Variants in CCDC85C observed in about 807,000 individuals in gnomAD.
The protein encoded by CCDC85C is coiled-coil domain containing 85C.
In CCDC85C, 18 loss-of-function variants were observed where a neutral mutation model predicts 38.3. The ratio of observed to expected loss-of-function variants is 0.47; its 90% CI spans 0.33 to 0.70. CCDC85C has a LOEUF of 0.70. Among genes scored for constraint, CCDC85C ranks in the 30% least tolerant of loss-of-function variants. The pLI is 0.03. For synonymous variants in CCDC85C, 264 were observed against 293.8 expected (o/e 0.90, Z 1.04); for missense variants, 566 against 621.2 (o/e 0.91, Z 0.94).
At chr14:99,570,449 G>A (rs992649187) in intron 1 of CCDC85C, among the ~76,000 whole-genome samples, 4 of 152,190 alleles carry the variant, frequency 2.6e-5, no homozygotes, top group African/African-American at 9.7e-5. Flanking sequence ...ACAGATGAAC[G>A]GACACCACTC....
chr14:99,549,677 G>C (rs146414905), intron 1 of CCDC85C, among the ~76,000 whole-genome samples: 1 of 152,202 alleles, frequency 6.6e-6, no homozygotes, highest in African/African-American at 2.4e-5. Flanking sequence ...GGACCTGCCC[G>C]GTTAGAAGCG....
rs2055245364 is a variant in CCDC85C at position 99,604,050 on chromosome 14, G to A, written c.-91C>T. ...CCGCTGGGCCGGTCCGCGCGCGGGC[G>A]GGGGGCGGCCGGGGGCGCGTGCGGC... is the stretch of plus-strand genomic sequence containing the variant. On this transcript the variant is annotated 5_prime_UTR_variant, in exon 1 of 6. Transcript: ENST00000380243. The A allele has an allele frequency of 1.0e-6, 1 of 979,048 alleles. No individual in the cohort carries two copies. The highest frequency in any genetic ancestry group is 4.7e-5 in the South Asian group (1 of 21,296). 60.6% of individuals were successfully genotyped at this position (979,048 alleles called of 1,614,324 possible). A position where few individuals can be genotyped will look rare whatever the true frequency, so the allele number is the denominator to read the frequency against.
intron 2 of CCDC85C, among the ~76,000 whole-genome samples, chr14:99,526,848 G>C (rs558058950): frequency 1.3e-5 from 2 of 152,168 alleles, no homozygotes; most frequent in Non-Finnish European, 2.9e-5. Flanking sequence ...GCAGAGGCTC[G>C]AATGCGTGAC....
chr14:99,540,090 G>A (rs1897681895), intron 1 of CCDC85C, among the ~76,000 whole-genome samples: 2 of 152,100 alleles, frequency 1.3e-5, no homozygotes, highest in South Asian at 4.1e-4. Flanking sequence ...AGAGGTTGCA[G>A]TGAGCCGAGA....
intron 1 of CCDC85C, among the ~76,000 whole-genome samples, chr14:99,552,716 C>T (rs571205889): frequency 6.6e-6 from 1 of 152,382 alleles, no homozygotes; most frequent in Non-Finnish European, 1.5e-5. Context: ...CTGCCAATGA[C>T]CCATAGGCCA....
At chr14:99,577,546 C>T (rs912093031) in intron 1 of CCDC85C, among the ~76,000 whole-genome samples, 3 of 151,968 alleles carry the variant, frequency 2.0e-5, no homozygotes, top group Admixed American at 2.0e-4. Context: ...GTGAACAAGA[C>T]CTGTGTGGGG....
At position 99,516,297 on chromosome 14, in the gene CCDC85C, C is replaced by T. The variant is rs1187613994; in HGVS notation, c.1072-11G>A. On this transcript the variant is annotated splice_polypyrimidine_tract_variant and intron_variant, in intron 4 of 5. Coordinates refer to ENST00000380243, the MANE Select transcript of CCDC85C (RefSeq NM_001144995.2). The surrounding 1 kb of genome is among the most constrained non-coding windows in gnomAD (Gnocchi z 5.5). ...GTGTACCTCCAGGACCTGAAGGGAA[C>T]GGGTCTCGGGGTCAGGGGCAGAGGC... The T allele has an allele frequency of 1.1e-5, 17 of 1,545,590 alleles. No homozygotes were observed. Among genetic ancestry groups the T allele is most frequent in the African/African-American group, 8.2e-5 (6 of 72,904 alleles).
intron 1 of CCDC85C, among the ~76,000 whole-genome samples, chr14:99,540,689 TC>T (rs1336792984): frequency 1.3e-5 from 2 of 152,204 alleles, no homozygotes; most frequent in African/African-American, 4.8e-5. Flanking sequence ...TCTGGGGGAT[TC>T]CCTATCCAGC....
chr14:99,568,170 T>C (rs750539558), intron 1 of CCDC85C, among the ~76,000 whole-genome samples: 58 of 151,764 alleles, frequency 3.8e-4, no homozygotes, highest in Non-Finnish European at 7.2e-4. Context: ...AGGCCCCGTA[T>C]TGGGGAACAA....
At chr14:99,543,540 G>A (rs534360723) in intron 1 of CCDC85C, among the ~76,000 whole-genome samples, 28 of 152,144 alleles carry the variant, frequency 1.8e-4, no homozygotes, top group Non-Finnish European at 3.7e-4. Context: ...AGAAATCAGG[G>A]CCTCCTTCCT....
At chr14:99,553,769 C>T (rs1273082749) in intron 1 of CCDC85C, among the ~76,000 whole-genome samples, 14 of 152,236 alleles carry the variant, frequency 9.2e-5, no homozygotes. Flanking sequence ...CAAAGCCCTG[C>T]ACAGAAGCCC....
chr14:99,542,160 T>C (rs1044928786), intron 1 of CCDC85C, among the ~76,000 whole-genome samples: 1 of 152,214 alleles, frequency 6.6e-6, no homozygotes, highest in African/African-American at 2.4e-5. Flanking sequence ...TTAAATCCCC[T>C]TCTCCTTCCA....
At chr14:99,537,494 A>T (rs1215137274) in intron 1 of CCDC85C, among the ~76,000 whole-genome samples, 1 of 152,138 alleles carries the variant, frequency 6.6e-6, no homozygotes, top group Non-Finnish European at 1.5e-5. Flanking sequence ...GACCAGGCCT[A>T]GGGCCCAGCA....
chr14:99,590,693 A>G (rs2055076257), intron 1 of CCDC85C, among the ~76,000 whole-genome samples: 1 of 152,202 alleles, frequency 6.6e-6, no homozygotes, highest in South Asian at 2.1e-4. Flanking sequence ...TTATGGAGGA[A>G]GCAAGTGTCC....
chr14:99,546,697 C>T (rs1257967771), intron 1 of CCDC85C, among the ~76,000 whole-genome samples: 23 of 151,964 alleles, frequency 1.5e-4, no homozygotes, highest in Admixed American at 1.5e-3. Context: ...AAGGTGGAGC[C>T]CAGAAAAGAC....
At chr14:99,578,361 C>T (rs532288650) in intron 1 of CCDC85C, among the ~76,000 whole-genome samples, 5 of 150,252 alleles carry the variant, frequency 3.3e-5, no homozygotes, top group East Asian at 2.0e-4. Flanking sequence ...CCATACAGCC[C>T]GTCCTGTATC....
In CCDC85C at chr14:99,535,931, C is replaced by CAAGGGG; in HGVS notation, c.867+78_867+83dup. 1 of 1,063,670 alleles carries CAAGGGG rather than the reference C, an allele frequency of 9.4e-7. No homozygotes were observed. The highest frequency in any genetic ancestry group is 1.4e-6 in the Non-Finnish European group (1 of 710,344). 65.9% of individuals were successfully genotyped at this position (1,063,670 alleles called of 1,614,324 possible). A position where few individuals can be genotyped will look rare whatever the true frequency, so the allele number is the denominator to read the frequency against. ...GCAGTTGGGGGGACAGCCTAGGTCC[C>CAAGGGG]AAGGGGAAGGGTGCCCTGGGTGAGC... On this transcript the variant is annotated intron_variant, in intron 2 of 5. Coordinates refer to ENST00000380243, the MANE Select transcript of CCDC85C (RefSeq NM_001144995.2). This position sits in a 1 kb window ranked among gnomAD's most constrained non-coding sequence, Gnocchi z 5.5.
intron 1 of CCDC85C, among the ~76,000 whole-genome samples, chr14:99,537,259 G>GAGAC (rs1424253437): frequency 6.6e-6 from 1 of 152,166 alleles, no homozygotes; most frequent in African/African-American, 2.4e-5. Context: ...TGCAGAAGCA[G>GAGAC]AGACATCAGC....
rs1739968082 is a variant in CCDC85C, at chr14:99,503,102, G to A, written c.*12144C>T. ...ACACCGGAAGCAGGGGGTGTTCGCC[G>A]AAACTCGCAGTCCGACTGCTTGTCG... On this transcript the variant is annotated 3_prime_UTR_variant, in exon 6 of 6. Coordinates refer to ENST00000380243, the MANE Select transcript of CCDC85C (RefSeq NM_001144995.2). 23 of 1,151,328 alleles carry A rather than the reference G, an allele frequency of 2.0e-5. No homozygotes were observed. The highest frequency in any genetic ancestry group is 2.7e-5 in the Non-Finnish European group (21 of 766,078). The allele number at this position is 1,151,328 out of a possible 1,614,324, so 71.3% of individuals were successfully genotyped here.
Sources: gnomAD v4.1 joint callset for allele counts (sites outside exome capture counted in the v4.1 genomes callset) on GRCh38, gnomAD v4.1.1 for gene constraint, Gnocchi (gnomAD v3.1) non-coding constraint, MANE v1.5 for transcripts, NCBI Gene and HGNC (gene_info 2026-07-23, HGNC 2026-07-21) for gene names.